The following SLC41A2 variants were observed in gnomAD, a reference collection of about 807,000 sequenced individuals.
SLC41A2 encodes the protein SLC41A1-like 1.
SLC41A2 carries 32 observed loss-of-function variants against 58.3 expected under a neutral mutation model. The observed-to-expected ratio is 0.55, with a 90% CI of 0.41 to 0.74. The LOEUF is 0.74. Among genes scored for constraint, SLC41A2 ranks in the 30% least tolerant of loss-of-function variants. The probability of loss-of-function intolerance (pLI) is 0.00; values close to 1 mark genes in which losing one functional copy is unlikely to be tolerated. For missense variants in SLC41A2, 514 were observed against 680.6 expected, an observed-to-expected ratio of 0.76 and a Z score of 2.72; for synonymous variants, 190 against 235.0, an observed-to-expected ratio of 0.81 and a Z score of 1.75.
rs763063473 is a variant in SLC41A2, at chr12:104,927,962, T to C, written c.555+11A>G. ...AAAAGACAGTAAAGTTAAATAAAGA[T>C]GAAAACCCACCTGTACTATATCCAG... On this transcript the variant is annotated intron_variant, in intron 2 of 10. Coordinates refer to ENST00000258538, the MANE Select transcript of SLC41A2 (RefSeq NM_001352171.3). The C allele has an allele frequency of 6.5e-6, 10 of 1,539,026 alleles. No individual in the cohort carries two copies. Among genetic ancestry groups the C allele is most frequent in the African/African-American group, 1.4e-5 (1 of 72,118 alleles).
chr12:104,951,960 A>G (rs2047973861), intron 1 of SLC41A2, among the ~76,000 whole-genome samples: 1 of 151,970 alleles, frequency 6.6e-6, no homozygotes, highest in Non-Finnish European at 1.5e-5. Context: ...CCTGTGAGCA[A>G]TCTGTGTCAC....
At chr12:104,838,635 T>C (rs978354386) in intron 10 of SLC41A2, among the ~76,000 whole-genome samples, 1 of 152,226 alleles carries the variant, frequency 6.6e-6, no homozygotes, top group African/African-American at 2.4e-5. Context: ...AAAACTTATA[T>C]TGTCTGATCT....
intron 8 of SLC41A2, among the ~76,000 whole-genome samples, chr12:104,858,783 A>G (rs534062757): frequency 3.4e-4 from 52 of 152,322 alleles, no homozygotes; most frequent in African/African-American, 1.2e-3. Context: ...AAGTGCTGAT[A>G]GCCAACTAAG....
At chr12:104,874,875 G>A (rs1394980363) in intron 6 of SLC41A2, among the ~76,000 whole-genome samples, 1 of 152,104 alleles carries the variant, frequency 6.6e-6, no homozygotes, top group Non-Finnish European at 1.5e-5. Context: ...CTATTTCTGT[G>A]AAGAATGCCA....
At chr12:104,808,700 A>G (rs1483432602) in intron 10 of SLC41A2, among the ~76,000 whole-genome samples, 13 of 149,696 alleles carry the variant, frequency 8.7e-5, no homozygotes, top group African/African-American at 2.2e-4. Flanking sequence ...CTGGTCCTGG[A>G]CTTTTTTTGG....
At chr12:104,918,628 G>GAAAAAAAAA (rs34865307) in intron 2 of SLC41A2, among the ~76,000 whole-genome samples, 6 of 111,454 alleles carry the variant, frequency 5.4e-5, no homozygotes, top group Admixed American at 9.8e-5. Flanking sequence ...GGAGATACAT[G>GAAAAAAAAA]AAAAAAAAAA....
chr12:104,874,923 T>C (rs1284288049), intron 6 of SLC41A2, among the ~76,000 whole-genome samples: 1 of 152,232 alleles, frequency 6.6e-6, no homozygotes, highest in Non-Finnish European at 1.5e-5. Context: ...ACCTGTATAT[T>C]GCTTTGGGTA....
chr12:104,818,086 T>C (rs2041485414), intron 10 of SLC41A2, among the ~76,000 whole-genome samples: 2 of 152,220 alleles, frequency 1.3e-5, no homozygotes, highest in South Asian at 4.1e-4. Flanking sequence ...GCATGTTGTA[T>C]ACTATAAATA....
intron 10 of SLC41A2, among the ~76,000 whole-genome samples, chr12:104,812,865 C>CA (rs112437484): frequency 0.21 from 31,520 of 146,794 alleles, 3,417 homozygotes; most frequent in East Asian, 0.34. Flanking sequence ...GGAGCACTTG[C>CA]AAAAAAAAAA....
chr12:104,886,330 T>C lies in SLC41A2; in HGVS notation c.990A>G (p.Ile330Met), dbSNP rs771382588. 1.2e-6 allele frequency: 2 copies of C among 1,613,496 alleles called. No homozygotes were observed. The highest frequency in any genetic ancestry group is 1.3e-5 in the African/African-American group (1 of 74,916). The change falls in exon 6 of 11, where the codon ATA becomes ATG. Residue 330 changes from isoleucine (I) to methionine (M), a missense_variant. Coordinates refer to ENST00000258538, the MANE Select transcript of SLC41A2 (RefSeq NM_001352171.3). ...ATAAGCCCTGACTTATCCAAGCCAA[T>C]ATGGCAAGAGTTATAAGGTCGCCAA... ...ASFGDLITLAILAWISQGLYS... is the reference protein window; with the variant it reads ...ASFGDLITLAMLAWISQGLYS...
At chr12:104,840,143 G>A (rs1478139302) in intron 10 of SLC41A2, among the ~76,000 whole-genome samples, 3 of 152,112 alleles carry the variant, frequency 2.0e-5, no homozygotes, top group Non-Finnish European at 4.4e-5. Flanking sequence ...GATTCCCTTC[G>A]TTACATCTTA....
intron 10 of SLC41A2, among the ~76,000 whole-genome samples, chr12:104,824,171 A>AT (rs147846613): frequency 9.2e-5 from 14 of 151,758 alleles, no homozygotes; most frequent in African/African-American, 2.4e-4. Flanking sequence ...GAAGACAGGC[A>AT]TTTTTTTTTC....
intron 10 of SLC41A2, among the ~76,000 whole-genome samples, chr12:104,834,332 A>G (rs1229179961): frequency 6.6e-6 from 1 of 152,208 alleles, no homozygotes; most frequent in Non-Finnish European, 1.5e-5. Context: ...TTAACTTCCT[A>G]TCTTAAGGTA....
At chr12:104,957,600 A>G (rs1316436212) in intron 1 of SLC41A2, among the ~76,000 whole-genome samples, 4 of 152,250 alleles carry the variant, frequency 2.6e-5, no homozygotes, top group East Asian at 1.9e-4. Flanking sequence ...TAACACATAG[A>G]TATGTGTCAT....
At chr12:104,864,166 T>C (rs986837044) in intron 7 of SLC41A2, among the ~76,000 whole-genome samples, 2 of 152,150 alleles carry the variant, frequency 1.3e-5, no homozygotes, top group African/African-American at 4.8e-5. Context: ...CAATCTACAT[T>C]ACAGAAAAAT....
chr12:104,836,934 T>A (rs752653484), intron 10 of SLC41A2, among the ~76,000 whole-genome samples: 1 of 152,216 alleles, frequency 6.6e-6, no homozygotes, highest in Non-Finnish European at 1.5e-5. Flanking sequence ...ACAATGGTTT[T>A]GTAACACATC....
intron 3 of SLC41A2, among the ~76,000 whole-genome samples, chr12:104,901,602 T>G (rs2045564411): frequency 6.6e-6 from 1 of 151,976 alleles, no homozygotes; most frequent in Non-Finnish European, 1.5e-5. Flanking sequence ...CAGGCTGGAG[T>G]GCAGTGGCCC....
chr12:104,895,191 G>T, intron 4 of SLC41A2, 83 bp downstream of exon 4: 3 of 931,178 alleles, frequency 3.2e-6, no homozygotes, highest in Non-Finnish European at 1.7e-6. Context: ...TAGACTCATA[G>T]TACTAAAATT....
At chr12:104,886,530 A>G in intron 5 of SLC41A2, 91 bp from the exon 6 acceptor site, 8 of 1,346,158 alleles carry the variant, frequency 5.9e-6, no homozygotes, top group Non-Finnish European at 8.3e-6. Context: ...GAAAAACAGC[A>G]TATCAATTCC....
Sources: gnomAD v4.1 joint callset for allele counts (sites outside exome capture counted in the v4.1 genomes callset) on GRCh38, gnomAD v4.1.1 for gene constraint, MANE v1.5 for transcripts, NCBI Gene and HGNC (gene_info 2026-07-23, HGNC 2026-07-21) for gene names.